The following MIDEAS variants were observed in gnomAD, a reference collection of about 807,000 sequenced individuals.
MIDEAS encodes the protein mitotic deacetylase associated SANT domain protein, also known as mitotic deacetylase-associated SANT domain protein.
A neutral mutation model predicts 102.7 loss-of-function variants in MIDEAS; 26 were observed. The observed-to-expected ratio is 0.25, with a 90% CI of 0.19 to 0.35. MIDEAS has a LOEUF of 0.35. MIDEAS is among the 10% of genes least tolerant of loss of function. The pLI is 1.00. For synonymous variants in MIDEAS, 585 were observed against 591.0 expected, an observed-to-expected ratio of 0.99 and a Z score of 0.15; for missense variants, 1,231 against 1,435.6, an observed-to-expected ratio of 0.86 and a Z score of 2.30.
Position 73,727,524 on chromosome 14 carries a change from T to C in MIDEAS, c.2096A>G (p.Asn699Ser). The change falls in exon 5 of 13, where the codon AAC (asparagine) becomes AGC (serine). Residue 699 changes from asparagine to serine, a missense_variant and splice_region_variant. This residue lies in a region of MIDEAS where 391 missense variants were observed against 483.0 expected (regional missense o/e 0.81). Coordinates refer to ENST00000423556, the MANE Select transcript of MIDEAS (RefSeq NM_001367710.1). ...GACAGGCGGGGTTACTTCAGCACTG[T>C]CTATGGGACAAAGAGCAGGTTGATA... ...KSAHRTLLRT[N>S]SAEVTPPVLS... 1 of 1,606,660 alleles carries C rather than the reference T, an allele frequency of 6.2e-7. No individual in the cohort carries two copies. The highest frequency in any genetic ancestry group is 8.5e-7 in the Non-Finnish European group (1 of 1,176,804).
chr14:73,772,424 T>C (rs1018494753), intron 1 of MIDEAS, among the ~76,000 whole-genome samples: 12 of 152,370 alleles, frequency 7.9e-5, no homozygotes, highest in Admixed American at 2.6e-4. Context: ...TATGCACTTA[T>C]GCAATTCTGT....
intron 11 of MIDEAS, among the ~76,000 whole-genome samples, chr14:73,720,776 A>G (rs114187378): frequency 9.1e-4 from 139 of 152,300 alleles, no homozygotes; most frequent in African/African-American, 3.2e-3. Context: ...TCTGCAGAGT[A>G]GAGGTTAACT....
intron 1 of MIDEAS, among the ~76,000 whole-genome samples, chr14:73,772,414 T>C (rs1418756939): frequency 5.9e-5 from 9 of 152,282 alleles, no homozygotes; most frequent in Non-Finnish European, 1.2e-4. Flanking sequence ...AATCAGTTTT[T>C]ATGCACTTAT....
At chr14:73,773,560 C>T (rs192849340) in intron 1 of MIDEAS, among the ~76,000 whole-genome samples, 13 of 152,046 alleles carry the variant, frequency 8.6e-5, no homozygotes, top group Admixed American at 7.9e-4. Flanking sequence ...AACAAACACA[C>T]ACATTCATGG....
At chr14:73,785,188 A>C (rs2053795377) in intron 1 of MIDEAS, among the ~76,000 whole-genome samples, 1 of 152,238 alleles carries the variant, frequency 6.6e-6, no homozygotes, top group Non-Finnish European at 1.5e-5. Flanking sequence ...GAGATTTAGA[A>C]TGTGAAAACG....
chr14:73,748,048 C>G (rs945665635), intron 1 of MIDEAS, among the ~76,000 whole-genome samples: 1 of 152,124 alleles, frequency 6.6e-6, no homozygotes, highest in Non-Finnish European at 1.5e-5. Flanking sequence ...TTTGTTTAAC[C>G]CTTACTGTTC....
In MIDEAS at chr14:73,716,731, G is replaced by T. The variant is rs907496148; in HGVS notation, c.*2112C>A. On this transcript the variant is annotated 3_prime_UTR_variant, in exon 13 of 13. Coordinates refer to ENST00000423556, the MANE Select transcript of MIDEAS (RefSeq NM_001367710.1). ...AAAATTTTTTTTCCAAGTACAAGATGTTACCACTGACAAAAGGGTCTCATA... is the reference window on the plus strand; with the variant it reads ...AAAATTTTTTTTCCAAGTACAAGATTTTACCACTGACAAAAGGGTCTCATA... 6 of 142,582 alleles carry T rather than the reference G, an allele frequency of 4.2e-5. No individual in the cohort carries two copies. Among genetic ancestry groups the T allele is most frequent in the African/African-American group, 1.3e-4 (5 of 38,972 alleles). The allele number at this position is 142,582 out of a possible 1,614,324, so 8.8% of individuals were successfully genotyped here.
At chr14:73,760,642 T>C (rs2053546505), upstream of MIDEAS, among the ~76,000 whole-genome samples, 1 of 152,234 alleles carries the variant, frequency 6.6e-6, no homozygotes, top group Non-Finnish European at 1.5e-5. This position sits in a 1 kb window ranked among gnomAD's most constrained non-coding sequence, Gnocchi z 4.8. Flanking sequence ...AAACTCTCTC[T>C]GGTTTTGGAT....
In MIDEAS at chr14:73,719,246, C is replaced by A. The variant is rs2140091238; in HGVS notation, c.3134+59G>T. ...TTCCCCCTCCCCTCCACCCCACCCC[C>A]GCCCCCTCCGCGCACCAGCCCGCGG... On this transcript the variant is annotated intron_variant, in intron 12 of 12. Coordinates refer to ENST00000423556, the MANE Select transcript of MIDEAS (RefSeq NM_001367710.1). 11 of 1,540,558 alleles carry A rather than the reference C, an allele frequency of 7.1e-6. No individual in the cohort carries two copies. The African/African-American group carries it at 8.2e-5, about 11-fold the overall frequency.
chr14:73,751,522 G>T (rs1377646918), intron 1 of MIDEAS, among the ~76,000 whole-genome samples: 1 of 151,752 alleles, frequency 6.6e-6, no homozygotes, highest in South Asian at 2.1e-4. Context: ...ACCTGTGGAG[G>T]GCTCGGCATC....
At chr14:73,749,369 A>T (rs1662070732) in intron 1 of MIDEAS, among the ~76,000 whole-genome samples, 1 of 116,622 alleles carries the variant, frequency 8.6e-6, no homozygotes, top group Non-Finnish European at 1.7e-5. Context: ...CCGTGTCTCT[A>T]CAAAAAAAAA....
rs1241257036 is a variant in MIDEAS, at chr14:73,715,836, T to C, written c.*3007A>G. 1 of 152,568 alleles carries C rather than the reference T, an allele frequency of 6.6e-6. No homozygotes were observed. The highest frequency in any genetic ancestry group is 2.4e-5 in the African/African-American group (1 of 41,434). The allele number at this position is 152,568 out of a possible 1,614,324, so 9.5% of individuals were successfully genotyped here. The stretch of plus-strand genomic sequence containing the variant: ...CTTTAGACATAAGCAGCAGAAGACC[T>C]TGGTGCCAGGGGTGGAGGCGCGGCA... On this transcript the variant is annotated 3_prime_UTR_variant, in exon 13 of 13. Coordinates refer to ENST00000423556, the MANE Select transcript of MIDEAS (RefSeq NM_001367710.1).
chr14:73,718,725 G>A lies in MIDEAS; in HGVS notation c.*118C>T. ...ATGTCATTGTCTCATTTGTTTCGCA[G>A]GGAAAAGTCCCTGCAATCCTCTCCT... is the stretch of plus-strand genomic sequence containing the variant. On this transcript the variant is annotated 3_prime_UTR_variant, in exon 13 of 13. Coordinates refer to ENST00000423556, the MANE Select transcript of MIDEAS (RefSeq NM_001367710.1). 2 of 1,090,982 alleles carry A rather than the reference G, an allele frequency of 1.8e-6. No individual in the cohort carries two copies. The highest frequency in any genetic ancestry group is 2.4e-6 in the Non-Finnish European group (2 of 835,068). The allele number at this position is 1,090,982 out of a possible 1,614,324, so 67.6% of individuals were successfully genotyped here.
upstream of MIDEAS, among the ~76,000 whole-genome samples, chr14:73,787,938 A>G (rs567307429): frequency 1.3e-5 from 2 of 152,302 alleles, no homozygotes; most frequent in East Asian, 3.9e-4. Flanking sequence ...GTCAAAAGTG[A>G]CTTTGAGGGT....
chr14:73,781,103 G>A (rs1364511410), intron 1 of MIDEAS, among the ~76,000 whole-genome samples: 1 of 152,188 alleles, frequency 6.6e-6, no homozygotes, highest in Non-Finnish European at 1.5e-5. Flanking sequence ...ATGGAGAATG[G>A]GGTTTGTGCC....
chr14:73,727,036 C>T (rs1181434516), intron 5 of MIDEAS, 64 bp from the exon 6 acceptor site: 21 of 1,532,390 alleles, frequency 1.4e-5, no homozygotes, highest in African/African-American at 2.8e-5. Flanking sequence ...CTTGATGATC[C>T]CTCAGGGTGG....
chr14:73,725,938 C>G lies in MIDEAS; in HGVS notation c.2485+95G>C. 9.0e-7 allele frequency: 1 copy of G among 1,114,708 alleles called. No homozygotes were observed. Among genetic ancestry groups the G allele is most frequent in the Non-Finnish European group, 1.3e-6 (1 of 754,650 alleles). The allele number at this position is 1,114,708 out of a possible 1,614,324, so 69.1% of individuals were successfully genotyped here. Reference sequence around the variant, plus strand: ...CTTATCTACCCTCCTCCTCCCGCCCCCACCCAGGGCTGTGACTCAGCACTG... The same window carrying G: ...CTTATCTACCCTCCTCCTCCCGCCCGCACCCAGGGCTGTGACTCAGCACTG... On this transcript the variant is annotated intron_variant, in intron 8 of 12. Coordinates refer to ENST00000423556, the MANE Select transcript of MIDEAS (RefSeq NM_001367710.1). The surrounding 1 kb of genome is among the most constrained non-coding windows in gnomAD (Gnocchi z 4.1).
At chr14:73,734,910 G>C (rs1390548740) in intron 3 of MIDEAS, among the ~76,000 whole-genome samples, 1 of 152,204 alleles carries the variant, frequency 6.6e-6, no homozygotes, top group Non-Finnish European at 1.5e-5. Flanking sequence ...TAACAAAATG[G>C]GGAAATGGGA....
At chr14:73,733,450 G>A (rs764399420) in intron 3 of MIDEAS, among the ~76,000 whole-genome samples, 4 of 151,672 alleles carry the variant, frequency 2.6e-5, no homozygotes, top group South Asian at 2.1e-4. Flanking sequence ...ATTAGCTGGC[G>A]TGGTGGCCTG....
Sources: gnomAD v4.1 joint callset for allele counts (sites outside exome capture counted in the v4.1 genomes callset) on GRCh38, gnomAD v4.1.1 for gene constraint, gnomAD v4.1.1 regional missense constraint, Gnocchi (gnomAD v3.1) non-coding constraint, MANE v1.5 for transcripts, NCBI Gene and HGNC (gene_info 2026-07-23, HGNC 2026-07-21) for gene names.